Variants in IGSF10 observed in about 807,000 individuals in gnomAD.
IGSF10 encodes immunoglobulin superfamily member 10.
In IGSF10, 126 loss-of-function variants were observed where a neutral mutation model predicts 128.2. The ratio of observed to expected loss-of-function variants is 0.98; its 90% CI spans 0.85 to 1.14. The LOEUF (loss-of-function observed/expected upper bound fraction) is 1.14, where lower values mean the gene tolerates loss of function less well. IGSF10 is among the 50% of genes most tolerant of loss of function. IGSF10 has a pLI of 0.00. For synonymous variants in IGSF10, 1,185 were observed against 1,146.2 expected (o/e 1.03, Z -0.68); for missense variants, 3,295 against 3,149.8 (o/e 1.05, Z -1.10).
At chr3:151,471,994 G>C in the IGSF10 span, among the ~76,000 whole-genome samples, 1 of 152,182 alleles carries the variant, frequency 6.6e-6, no homozygotes, top group African/African-American at 2.4e-5. Context: ...AGCCCAGATA[G>C]CTGCCTGGTG....
chr3:151,484,149 C>T, the IGSF10 span, among the ~76,000 whole-genome samples: 3 of 152,320 alleles, frequency 2.0e-5, no homozygotes, highest in Admixed American at 6.5e-5. Flanking sequence ...GCTTGATAGG[C>T]GGTTTTACCC....
At position 151,447,235 on chromosome 3, in the gene IGSF10, A is replaced by G; in HGVS notation, c.2746T>C (p.Phe916Leu). Residue 916 changes from phenylalanine to leucine, a missense_variant, in exon 6 of 8, where the codon TTC becomes CTC. By Grantham distance (22) the Phe-to-Leu change is conservative. Transcript: ENST00000282466. Reference sequence around the variant, plus strand: ...ACTGTTATTGGGGGTCTACTTTGGAAATGCTCTCTTCCTCTTCCCATCTGG... The same window carrying G: ...ACTGTTATTGGGGGTCTACTTTGGAGATGCTCTCTTCCTCTTCCCATCTGG... ...SDQMGRGREH[F>L]QSRPPITVRT... 1 of 1,614,158 alleles carries G rather than the reference A, an allele frequency of 6.2e-7. No individual in the cohort carries two copies. Among genetic ancestry groups the G allele is most frequent in the Non-Finnish European group, 8.5e-7 (1 of 1,180,022 alleles).
the IGSF10 span, among the ~76,000 whole-genome samples, chr3:151,554,581 C>G: frequency 6.6e-6 from 1 of 152,060 alleles, no homozygotes. Context: ...TGTCTAGTTT[C>G]ATTTCTATAT....
At chr3:151,471,600 C>G in the IGSF10 span, among the ~76,000 whole-genome samples, 5 of 151,712 alleles carry the variant, frequency 3.3e-5, no homozygotes, top group Non-Finnish European at 7.4e-5. Flanking sequence ...ATAGCAGATG[C>G]GCTTTTGGAA....
chr3:151,585,784 T>C, the IGSF10 span, among the ~76,000 whole-genome samples: 5 of 152,054 alleles, frequency 3.3e-5, no homozygotes, highest in Admixed American at 6.6e-5. Context: ...AAAGTGTCAA[T>C]TAACCTCTTG....
At chr3:151,552,125 G>C in the IGSF10 span, among the ~76,000 whole-genome samples, 124 of 152,190 alleles carry the variant, frequency 8.1e-4, no homozygotes, top group African/African-American at 2.9e-3. Flanking sequence ...ATAAGACCTT[G>C]TTGTTAAAAA....
In IGSF10 at chr3:151,448,010, A is replaced by G; in HGVS notation, c.1971T>C (p.Ile657=). Residue 657 remains isoleucine, a synonymous_variant, in exon 6 of 8, where the codon ATT becomes ATC. Transcript: ENST00000282466. ...AANPSGVDFL[I]FQVSVKMKGQ... ...CTTTCATCTTGACTGAAACTTGGAA[A>G]ATCAAAAAATCAACCCCTGATGGGT... The G allele has an allele frequency of 6.2e-7, 1 of 1,614,146 alleles. No homozygotes were observed. Among genetic ancestry groups the G allele is most frequent in the Non-Finnish European group, 8.5e-7 (1 of 1,180,018 alleles).
chr3:151,468,523 T>A, the IGSF10 span, among the ~76,000 whole-genome samples: 2 of 152,184 alleles, frequency 1.3e-5, no homozygotes, highest in Non-Finnish European at 2.9e-5. Context: ...TTAGCCCTCC[T>A]GATAATGGCA....
At position 151,457,171 on chromosome 3, in the gene IGSF10, ACATTCTAGG is replaced by A; in HGVS notation, c.195-25_195-17del. 1 of 1,613,346 alleles carries A rather than the reference ACATTCTAGG, an allele frequency of 6.2e-7. No homozygotes were observed. Among genetic ancestry groups the A allele is most frequent in the Non-Finnish European group, 8.5e-7 (1 of 1,179,588 alleles). On this transcript the variant is annotated splice_polypyrimidine_tract_variant and intron_variant, in intron 3 of 7. Coordinates refer to ENST00000282466, the MANE Select transcript of IGSF10 (RefSeq NM_178822.5). ...GCTGTTGTATCTGAAATAAAAAATG[ACATTCTAGG>A]CATAAGCTAAGTCTGTCAACTAAAG...
At chr3:151,441,159 G>C (rs1210178777) in intron 7 of IGSF10, among the ~76,000 whole-genome samples, 7 of 152,310 alleles carry the variant, frequency 4.6e-5, no homozygotes, top group Non-Finnish European at 8.8e-5. Context: ...AACTGGCTTA[G>C]AGTGATATCC....
the IGSF10 span, among the ~76,000 whole-genome samples, chr3:151,618,762 A>T: frequency 1.3e-5 from 2 of 149,964 alleles, no homozygotes; most frequent in Admixed American, 6.6e-5. Flanking sequence ...ATAAATAAAT[A>T]AAAAATTAAA....
chr3:151,564,211 A>C, the IGSF10 span, among the ~76,000 whole-genome samples: 4 of 152,306 alleles, frequency 2.6e-5, no homozygotes, highest in South Asian at 8.3e-4. Flanking sequence ...AATGTATTAA[A>C]TACATATTTT....
chr3:151,552,245 C>A, the IGSF10 span, among the ~76,000 whole-genome samples: 2 of 152,100 alleles, frequency 1.3e-5, no homozygotes, highest in African/African-American at 4.8e-5. Context: ...TGAGGCCTCC[C>A]CAGCCATGCA....
chr3:151,582,151 T>C, the IGSF10 span, among the ~76,000 whole-genome samples: 1 of 152,010 alleles, frequency 6.6e-6, no homozygotes, highest in Non-Finnish European at 1.5e-5. Context: ...AAACTGTAAA[T>C]AGAACAAATA....
chr3:151,599,807 C>T, the IGSF10 span, among the ~76,000 whole-genome samples: 4 of 152,102 alleles, frequency 2.6e-5, no homozygotes, highest in African/African-American at 9.7e-5. Context: ...TCATGGCCCT[C>T]AAAGCCTAAA....
the IGSF10 span, among the ~76,000 whole-genome samples, chr3:151,605,426 T>C: frequency 1.3e-5 from 2 of 152,200 alleles, no homozygotes; most frequent in Non-Finnish European, 2.9e-5. Context: ...CCACACACTG[T>C]TATATATGAT....
the IGSF10 span, among the ~76,000 whole-genome samples, chr3:151,544,537 C>G: frequency 6.6e-6 from 1 of 152,156 alleles, no homozygotes; most frequent in Non-Finnish European, 1.5e-5. Flanking sequence ...AGCATTTTCA[C>G]TGAGAATTTT....
chr3:151,440,901 T>A (rs1488731663), intron 7 of IGSF10: 3 of 192,432 alleles, frequency 1.6e-5, no homozygotes, highest in Admixed American at 1.0e-4. Flanking sequence ...AGATGCATAT[T>A]CCCCGGCTTT....
the IGSF10 span, among the ~76,000 whole-genome samples, chr3:151,524,038 G>T: frequency 6.6e-6 from 1 of 152,070 alleles, no homozygotes; most frequent in Non-Finnish European, 1.5e-5. Flanking sequence ...TGGCCAAGAA[G>T]CATATTTTAA....
Sources: gnomAD v4.1 joint callset for allele counts (sites outside exome capture counted in the v4.1 genomes callset) on GRCh38, gnomAD v4.1.1 for gene constraint, MANE v1.5 for transcripts, NCBI Gene and HGNC (gene_info 2026-07-23, HGNC 2026-07-21) for gene names.